The following NBEA variants were observed in gnomAD, a reference collection of about 807,000 sequenced individuals.
NBEA encodes the protein neurobeachin.
NBEA carries 44 observed loss-of-function variants against 343.4 expected under a neutral mutation model. The ratio of observed to expected loss-of-function variants is 0.13; its 90% CI spans 0.10 to 0.16. The LOEUF is 0.16. NBEA is among the 10% of genes least tolerant of loss of function. The pLI is 1.00. For synonymous variants in NBEA, 1,175 were observed against 1,238.7 expected (o/e 0.95, Z 1.08); for missense variants, 2,555 against 3,631.3 (o/e 0.70, Z 7.62).
chr13:35,147,017 T>A (rs1221511200), intron 18 of NBEA, among the ~76,000 whole-genome samples: 1 of 152,198 alleles, frequency 6.6e-6, no homozygotes, highest in Non-Finnish European at 1.5e-5. Context: ...ACAAGGCATC[T>A]CTGGAACAAA....
chr13:34,951,300 G>A (rs2059342586), intron 1 of NBEA, among the ~76,000 whole-genome samples: 1 of 152,076 alleles, frequency 6.6e-6, no homozygotes, highest in South Asian at 2.1e-4. Flanking sequence ...AAAACATTCT[G>A]TGCCTCAGTT....
intron 38 of NBEA, among the ~76,000 whole-genome samples, chr13:35,388,495 T>A (rs2042355155): frequency 1.3e-5 from 2 of 152,184 alleles, no homozygotes; most frequent in African/African-American, 4.8e-5. Context: ...ATATTTAATA[T>A]GTTATCTATT....
chr13:35,364,027 A>G (rs1350528154), intron 38 of NBEA, among the ~76,000 whole-genome samples: 4 of 151,980 alleles, frequency 2.6e-5, no homozygotes, highest in Non-Finnish European at 5.9e-5. Flanking sequence ...TGCCTGTGGC[A>G]TGTTCTAGTG....
chr13:35,531,952 T>C (rs1002699827), intron 41 of NBEA, among the ~76,000 whole-genome samples: 1 of 152,208 alleles, frequency 6.6e-6, no homozygotes. Flanking sequence ...TTATATATGT[T>C]TTTACACCCA....
In NBEA at chr13:35,372,551, G is replaced by T. The variant is rs562053708; in HGVS notation, c.6179+20228G>T. 2.6e-5 allele frequency among the ~76,000 whole-genome samples: 4 copies of T among 152,288 alleles called. No individual in the cohort carries two copies. In the East Asian group the frequency reaches 7.7e-4, roughly 29 times the overall value. ...AGGGGTTTTTCCGCAGCCCCCCAGT[G>T]AATTGCTTGGATAGGGATAGCAACA... On this transcript the variant is annotated intron_variant, in intron 38 of 58. Transcript: ENST00000379939.
intron 41 of NBEA, among the ~76,000 whole-genome samples, chr13:35,539,124 A>G (rs2078689820): frequency 6.6e-6 from 1 of 152,208 alleles, no homozygotes; most frequent in African/African-American, 2.4e-5. Context: ...GCTCTGTGCT[A>G]AGTATGAAGA....
At chr13:35,192,143 G>C (rs2072247609) in intron 30 of NBEA, among the ~76,000 whole-genome samples, 1 of 152,032 alleles carries the variant, frequency 6.6e-6, no homozygotes, top group Admixed American at 6.6e-5. Context: ...TTACATGCCT[G>C]TGATTAATAT....
chr13:35,394,654 C>T (rs1394890960), intron 38 of NBEA, among the ~76,000 whole-genome samples: 3 of 152,016 alleles, frequency 2.0e-5, no homozygotes, highest in Non-Finnish European at 2.9e-5. Context: ...TATACAAACA[C>T]AGAACATGAA....
At chr13:35,141,217 A>G (rs2068071866) in intron 17 of NBEA, among the ~76,000 whole-genome samples, 1 of 152,144 alleles carries the variant, frequency 6.6e-6, no homozygotes, top group Admixed American at 6.5e-5. Flanking sequence ...TGAAGAAATG[A>G]AATACTGAGA....
intron 34 of NBEA, among the ~76,000 whole-genome samples, chr13:35,234,904 A>G (rs1481838052): frequency 6.6e-6 from 1 of 152,194 alleles, no homozygotes; most frequent in African/African-American, 2.4e-5. Context: ...CATTAGCATT[A>G]CTATTAATGC....
At chr13:35,245,052 A>C (rs2030968108) in intron 34 of NBEA, among the ~76,000 whole-genome samples, 1 of 151,982 alleles carries the variant, frequency 6.6e-6, no homozygotes, top group African/African-American at 2.4e-5. Context: ...CGACAGTTTG[A>C]CTTTACCAAT....
chr13:35,307,965 G>GATTATGAT (rs983712507), intron 35 of NBEA, among the ~76,000 whole-genome samples: 1 of 151,978 alleles, frequency 6.6e-6, no homozygotes, highest in Non-Finnish European at 1.5e-5. Context: ...TTTAGTTAAA[G>GATTATGAT]ATTATGATAG....
At chr13:35,289,894 T>C (rs770630438) in intron 34 of NBEA, among the ~76,000 whole-genome samples, 2 of 151,868 alleles carry the variant, frequency 1.3e-5, no homozygotes, top group Non-Finnish European at 2.9e-5. Context: ...TTTAAAATTA[T>C]TTAATAACTG....
At chr13:35,251,203 C>T in intron 34 of NBEA, 1 of 256,306 alleles carries the variant, frequency 3.9e-6, no homozygotes, top group Admixed American at 4.4e-5. Context: ...CTCACTTTCT[C>T]ATCCCATGGG....
intron 34 of NBEA, among the ~76,000 whole-genome samples, chr13:35,265,724 A>G (rs1369252711): frequency 4.0e-5 from 6 of 151,878 alleles, no homozygotes; most frequent in African/African-American, 1.4e-4. Context: ...TGAATTAAAA[A>G]CTTAAATGTA....
chr13:35,623,658 C>A (rs2083096032), intron 48 of NBEA, among the ~76,000 whole-genome samples: 1 of 151,980 alleles, frequency 6.6e-6, no homozygotes, highest in Non-Finnish European at 1.5e-5. Flanking sequence ...TAATTAAAGA[C>A]TATTATGAGC....
intron 34 of NBEA, among the ~76,000 whole-genome samples, chr13:35,256,456 C>T (rs1402015499): frequency 6.6e-6 from 1 of 152,196 alleles, no homozygotes; most frequent in Non-Finnish European, 1.5e-5. Context: ...AGACTATACC[C>T]AGAACTGAGA....
chr13:35,428,890 C>A (rs984410822), intron 38 of NBEA, among the ~76,000 whole-genome samples: 1 of 152,080 alleles, frequency 6.6e-6, no homozygotes, highest in East Asian at 1.9e-4. Context: ...GGGACACTGC[C>A]TTATATCTGC....
At chr13:35,637,291 A>G (rs1593434613) in intron 49 of NBEA, among the ~76,000 whole-genome samples, 3 of 152,212 alleles carry the variant, frequency 2.0e-5, no homozygotes, top group Non-Finnish European at 2.9e-5. Flanking sequence ...ATAGAAAATA[A>G]CAAGTGTTAG....
Sources: gnomAD v4.1 joint callset for allele counts (sites outside exome capture counted in the v4.1 genomes callset) on GRCh38, gnomAD v4.1.1 for gene constraint, MANE v1.5 for transcripts, NCBI Gene and HGNC (gene_info 2026-07-23, HGNC 2026-07-21) for gene names.